Variants in TUBB3 observed in about 807,000 individuals in gnomAD.
TUBB3 encodes the protein tubulin beta-3 chain.
TUBB3 carries 17 observed loss-of-function variants against 37.8 expected under a neutral mutation model. That is an observed-to-expected ratio of 0.45 (90% CI 0.31 to 0.67). TUBB3 has a LOEUF of 0.67. Ranked by LOEUF, TUBB3 falls within the 30% of genes least tolerant of loss-of-function variation. The pLI, the probability that TUBB3 is intolerant of heterozygous loss-of-function variation, is 0.07. For synonymous variants in TUBB3, 332 were observed against 278.9 expected, an observed-to-expected ratio of 1.19 and a Z score of -1.90; for missense variants, 262 against 657.9, an observed-to-expected ratio of 0.40 and a Z score of 6.58.
intron 1 of TUBB3, among the ~76,000 whole-genome samples, chr16:89,924,863 G>A (rs563971816): frequency 6.6e-6 from 1 of 152,042 alleles, no homozygotes; most frequent in Admixed American, 6.5e-5. Flanking sequence ...GGCCTGATGG[G>A]AGGGGCTGAG....
intron 1 of TUBB3, among the ~76,000 whole-genome samples, chr16:89,927,449 T>G (rs1329604258): frequency 6.6e-6 from 1 of 152,116 alleles, no homozygotes; most frequent in Non-Finnish European, 1.5e-5. Flanking sequence ...TAATTTTAAC[T>G]ACAAAAGCAA....
Position 89,933,462 on chromosome 16 carries a change from C to A in TUBB3, c.167-6C>A. The A allele has an allele frequency of 6.2e-7, 1 of 1,612,280 alleles. No individual in the cohort carries two copies. Among genetic ancestry groups the A allele is most frequent in the Non-Finnish European group, 8.5e-7 (1 of 1,178,356 alleles). The stretch of plus-strand genomic sequence containing the variant: ...CCCGAATCACCGAGCCCCTCTCTCC[C>A]CTCAGCTCACAAGTACGTGCCTCGA... On this transcript the variant is annotated splice_region_variant and splice_polypyrimidine_tract_variant and intron_variant, in intron 2 of 3. Transcript: ENST00000315491.
At chr16:89,924,225 G>T (rs2029990913) in intron 1 of TUBB3, among the ~76,000 whole-genome samples, 1 of 152,212 alleles carries the variant, frequency 6.6e-6, no homozygotes, top group South Asian at 2.1e-4. Flanking sequence ...TTGGGGCCAC[G>T]CAGAAAGGGG....
intron 1 of TUBB3, among the ~76,000 whole-genome samples, chr16:89,930,168 G>T (rs1242116193): frequency 6.7e-6 from 1 of 150,052 alleles, no homozygotes; most frequent in Non-Finnish European, 1.5e-5. Context: ...GCAGTGGCGC[G>T]ATCTCGACTC....
Position 89,923,382 on chromosome 16 carries a change from G to T in TUBB3, c.-20G>T. 2 of 1,462,406 alleles carry T rather than the reference G, an allele frequency of 1.4e-6. No homozygotes were observed. The highest frequency in any genetic ancestry group is 9.1e-7 in the Non-Finnish European group (1 of 1,103,594). The allele number at this position is 1,462,406 out of a possible 1,614,324, so 90.6% of individuals were successfully genotyped here. Reference sequence around the variant, plus strand: ...GGCCCGCCCGCGCCCGTCCGCAGCCGCCCGCCAGACGCGCCCAGTATGAGG... The same window carrying T: ...GGCCCGCCCGCGCCCGTCCGCAGCCTCCCGCCAGACGCGCCCAGTATGAGG... On this transcript the variant is annotated 5_prime_UTR_variant, in exon 1 of 4. Coordinates refer to ENST00000315491, the MANE Select transcript of TUBB3 (RefSeq NM_006086.4).
intron 1 of TUBB3, among the ~76,000 whole-genome samples, chr16:89,929,980 G>A (rs1303980592): frequency 6.6e-5 from 10 of 151,922 alleles, no homozygotes; most frequent in Admixed American, 3.9e-4. Context: ...GATTACAGGC[G>A]TGAGCCACCG....
intron 3 of TUBB3, 172 bp downstream of exon 3, chr16:89,933,750 G>T (rs1326577136): frequency 1.4e-6 from 1 of 716,446 alleles, no homozygotes; most frequent in East Asian, 2.7e-5. Context: ...CAGAGAAAGG[G>T]TTCTGTGGGG....
intron 2 of TUBB3, chr16:89,933,244 C>G: frequency 1.4e-6 from 1 of 696,630 alleles, no homozygotes; most frequent in Non-Finnish European, 2.6e-6. Context: ...TGACTGAATC[C>G]TGCCTGTCCT....
upstream of TUBB3, among the ~76,000 whole-genome samples, chr16:89,923,099 T>C (rs1403883005): frequency 6.6e-6 from 1 of 152,090 alleles, no homozygotes; most frequent in African/African-American, 2.4e-5. Flanking sequence ...CCAGCTCCTC[T>C]GGGAGACAGC....
intron 1 of TUBB3, among the ~76,000 whole-genome samples, chr16:89,926,228 G>C (rs1299396024): frequency 1.3e-5 from 2 of 152,100 alleles, no homozygotes; most frequent in Non-Finnish European, 2.9e-5. Flanking sequence ...TCCTCCGCGC[G>C]GGCTGCGGCA....
chr16:89,932,577 G>GA lies in TUBB3; in HGVS notation c.66dup (p.Val23SerfsTer4). On this transcript the variant is annotated frameshift_variant, in exon 2 of 4. Coordinates refer to ENST00000315491, the MANE Select transcript of TUBB3 (RefSeq NM_006086.4). LOFTEE classifies it high-confidence loss of function. ...TCTCCCACTTTGTTTGCAGTTCTGGGAAGTCATCAGTGATGAGCATGGCAT... is the reference window on the plus strand; with the variant it reads ...TCTCCCACTTTGTTTGCAGTTCTGGGAAAGTCATCAGTGATGAGCATGGCAT... The GA allele has an allele frequency of 6.2e-7, 1 of 1,614,048 alleles. No homozygotes were observed. The highest frequency in any genetic ancestry group is 8.5e-7 in the Non-Finnish European group (1 of 1,179,968).
Position 89,923,383 on chromosome 16 carries a change from C to G in TUBB3, c.-19C>G. 1.4e-6 allele frequency: 2 copies of G among 1,465,790 alleles called. No individual in the cohort carries two copies. The highest frequency in any genetic ancestry group is 3.0e-5 in the African/African-American group (2 of 67,730). The allele number at this position is 1,465,790 out of a possible 1,614,324, so 90.8% of individuals were successfully genotyped here. A position where few individuals can be genotyped will look rare whatever the true frequency, so the allele number is the denominator to read the frequency against. ...GCCCGCCCGCGCCCGTCCGCAGCCG[C>G]CCGCCAGACGCGCCCAGTATGAGGG... On this transcript the variant is annotated 5_prime_UTR_variant, in exon 1 of 4. Coordinates refer to ENST00000315491, the MANE Select transcript of TUBB3 (RefSeq NM_006086.4).
At chr16:89,923,507 G>A (rs751332250) in intron 1 of TUBB3, 49 bp downstream of exon 1, 4 of 1,372,380 alleles carry the variant, frequency 2.9e-6, no homozygotes, top group Non-Finnish European at 3.8e-6. Context: ...CGGGAGGAGG[G>A]AGGCGCCGTG....
intron 1 of TUBB3, among the ~76,000 whole-genome samples, chr16:89,929,232 G>A (rs2030196595): frequency 6.6e-6 from 1 of 152,110 alleles, no homozygotes; most frequent in Admixed American, 6.6e-5. Flanking sequence ...CAAAGTGCTG[G>A]GATTATAGGC....
At chr16:89,932,153 C>T (rs926894350) in intron 1 of TUBB3, 2 of 322,926 alleles carry the variant, frequency 6.2e-6, no homozygotes, top group Non-Finnish European at 1.2e-5. Context: ...CCTGCTCTGC[C>T]AGCTACTGTG....
rs2030404834 is a variant in TUBB3, at chr16:89,935,028, G to A, written c.577G>A (p.Val193Met). Residue 193 changes from valine to methionine, a missense_variant, in exon 4 of 4, where the codon GTG (valine) becomes ATG (methionine). Coordinates refer to ENST00000315491, the MANE Select transcript of TUBB3 (RefSeq NM_006086.4). ...YNATLSIHQL[V>M]ENTDETYCID... ...CGCCACGCTGTCCATCCACCAGCTG[G>A]TGGAGAACACGGATGAGACCTACTG... is the stretch of plus-strand genomic sequence containing the variant. 6.2e-7 allele frequency: 1 copy of A among 1,614,232 alleles called. No individual in the cohort carries two copies. The highest frequency in any genetic ancestry group is 8.5e-7 in the Non-Finnish European group (1 of 1,180,038).
intron 1 of TUBB3, among the ~76,000 whole-genome samples, chr16:89,925,057 A>G (rs2030026255): frequency 1.3e-5 from 2 of 152,052 alleles, no homozygotes; most frequent in South Asian, 4.2e-4. Context: ...TATGGCTGGG[A>G]TGGGCCCAGA....
intron 1 of TUBB3, among the ~76,000 whole-genome samples, chr16:89,927,860 A>G (rs2030142572): frequency 6.6e-6 from 1 of 151,770 alleles, no homozygotes; most frequent in African/African-American, 2.4e-5. Flanking sequence ...TAGATGTGTT[A>G]CTCTCTCCAC....
At chr16:89,922,584 G>C (rs2029920062), upstream of TUBB3, 1 of 152,008 alleles carries the variant, frequency 6.6e-6, no homozygotes, top group South Asian at 2.1e-4. Flanking sequence ...TGCCTGGCTT[G>C]TGCGTCCTTG....
Sources: gnomAD v4.1 joint callset for allele counts (sites outside exome capture counted in the v4.1 genomes callset) on GRCh38, gnomAD v4.1.1 for gene constraint, MANE v1.5 for transcripts, NCBI Gene and HGNC (gene_info 2026-07-23, HGNC 2026-07-21) for gene names.